The following PCDH15 variants were observed in gnomAD, a reference collection of about 807,000 sequenced individuals.
The protein encoded by PCDH15 is protocadherin related 15.
In PCDH15, 129 loss-of-function variants were observed where a neutral mutation model predicts 178.5. That is an observed-to-expected ratio of 0.72 (90% confidence interval 0.63 to 0.84). The LOEUF (loss-of-function observed/expected upper bound fraction) is 0.84, where lower values mean the gene tolerates loss of function less well. Among genes scored for constraint, PCDH15 ranks in the 40% least tolerant of loss-of-function variants. PCDH15 has a pLI of 0.00. For missense variants in PCDH15, 2,230 were observed against 2,099.9 expected (o/e 1.06, Z -1.21); for synonymous variants, 800 against 732.0 (o/e 1.09, Z -1.50).
In PCDH15 at chr10:54,556,421, T is replaced by C. The variant is rs114748434; in HGVS notation, c.92-28544A>G. Among the ~76,000 whole-genome samples the C allele has an allele frequency of 9.4e-3, 1,437 of 152,288 alleles. 24 individuals carry two copies. Among genetic ancestry groups the C allele is most frequent in the African/African-American group, 0.032 (1,313 of 41,548 alleles). The stretch of plus-strand genomic sequence containing the variant: ...CAACATGCAGACAATTTTTGCTATG[T>C]TGTCAAGATGAGATAATTTTTCAGG... On this transcript the variant is annotated intron_variant, in intron 2 of 37. Transcript: ENST00000644397.
chr10:54,622,252 ATG>A (rs529390169), intron 2 of PCDH15, among the ~76,000 whole-genome samples: 1 of 150,922 alleles, frequency 6.6e-6, no homozygotes, highest in African/African-American at 2.4e-5. Flanking sequence ...GAGGAAATTT[ATG>A]TGTGTGTGTG....
intron 25 of PCDH15, among the ~76,000 whole-genome samples, chr10:53,935,509 C>T (rs547003735): frequency 6.6e-6 from 1 of 152,242 alleles, no homozygotes; most frequent in Non-Finnish European, 1.5e-5. Flanking sequence ...CAAACTACAG[C>T]CCTTTGGTCA....
At chr10:55,520,113 G>A (rs1421635644) in intron 2 of PCDH15, among the ~76,000 whole-genome samples, 2 of 115,020 alleles carry the variant, frequency 1.7e-5, no homozygotes, top group Non-Finnish European at 3.7e-5. Context: ...TACACGCAAT[G>A]TGTATATATA....
chr10:54,947,777 A>T (rs2131870711), intron 2 of PCDH15, among the ~76,000 whole-genome samples: 1 of 152,068 alleles, frequency 6.6e-6, no homozygotes, highest in South Asian at 2.1e-4. Context: ...TCCCAGAATA[A>T]AATCCTGTCT....
At chr10:54,639,394 C>T (rs1255729228) in intron 2 of PCDH15, among the ~76,000 whole-genome samples, 2 of 151,960 alleles carry the variant, frequency 1.3e-5, no homozygotes, top group African/African-American at 2.4e-5. Flanking sequence ...TAAAGTATTT[C>T]TTGGAGCCGA....
intron 2 of PCDH15, among the ~76,000 whole-genome samples, chr10:54,957,829 A>T (rs1358666450): frequency 6.6e-6 from 1 of 151,786 alleles, no homozygotes; most frequent in African/African-American, 2.4e-5. Context: ...CCACTTTAGC[A>T]TAAGAATTAT....
intron 2 of PCDH15, among the ~76,000 whole-genome samples, chr10:54,948,920 C>T (rs1242044044): frequency 6.6e-6 from 1 of 151,858 alleles, no homozygotes. Context: ...ATAATCGACA[C>T]AGTATATGTT....
intron 1 of PCDH15, among the ~76,000 whole-genome samples, chr10:54,797,229 C>A (rs1050057730): frequency 8.6e-5 from 13 of 151,964 alleles, no homozygotes; most frequent in Admixed American, 7.9e-4. Context: ...GAAAGTTACA[C>A]CTCCTATCAA....
rs1841238765 is a variant in PCDH15 at position 55,523,746 on chromosome 10, T to C, written c.-156+103879A>G. The stretch of plus-strand genomic sequence containing the variant: ...CCATATAGAAGGCGAATCATGACAA[T>C]GCTAATCAAGGTAGAAAAGTTGATT... On this transcript the variant is annotated intron_variant, in intron 2 of 5. Transcript: ENST00000613346. 3.3e-5 allele frequency among the ~76,000 whole-genome samples: 5 copies of C among 151,654 alleles called. No homozygotes were observed. The South Asian group carries it at 1.0e-3, about 31-fold the overall frequency.
At chr10:53,896,452 GTAT>G (rs1207467963) in intron 26 of PCDH15, among the ~76,000 whole-genome samples, 1 of 150,106 alleles carries the variant, frequency 6.7e-6, no homozygotes, top group Non-Finnish European at 1.5e-5. Flanking sequence ...GATGTCGTGA[GTAT>G]TTGCTTTTAA....
At chr10:54,530,668 A>C (rs1351509742) in intron 2 of PCDH15, among the ~76,000 whole-genome samples, 1 of 151,992 alleles carries the variant, frequency 6.6e-6, no homozygotes, top group African/African-American at 2.4e-5. Context: ...GCTTAACTAC[A>C]TTTTCTCCTG....
chr10:54,344,978 A>G (rs57790666), intron 6 of PCDH15, among the ~76,000 whole-genome samples: 2 of 136,292 alleles, frequency 1.5e-5, no homozygotes, highest in Non-Finnish European at 3.1e-5. Flanking sequence ...ATATATATAT[A>G]TTATATATAT....
rs2134379580 is a variant in PCDH15, at chr10:54,236,274, T to C, written c.985+549A>G. Among the ~76,000 whole-genome samples, 2 of 152,294 alleles carry C rather than the reference T, an allele frequency of 1.3e-5. 1 individual carries two copies. Among genetic ancestry groups the C allele is most frequent in the Non-Finnish European group, 2.9e-5 (2 of 68,006 alleles). ...TTTTTGCTTTTGACACAATTAGTAG[T>C]ATATGCATAGGGATGGATTAGGATG... On this transcript the variant is annotated intron_variant, in intron 9 of 37. Transcript: ENST00000644397.
At chr10:54,702,691 G>A (rs932399728) in intron 1 of PCDH15, among the ~76,000 whole-genome samples, 2 of 151,896 alleles carry the variant, frequency 1.3e-5, no homozygotes, top group Admixed American at 1.3e-4. Flanking sequence ...GAAATAATGA[G>A]TTCCAAAATT....
intron 18 of PCDH15, among the ~76,000 whole-genome samples, chr10:54,058,229 C>T (rs2093939714): frequency 6.6e-6 from 1 of 152,084 alleles, no homozygotes; most frequent in African/African-American, 2.4e-5. Context: ...CCAGCAGCAC[C>T]ACACTCTACT....
chr10:54,254,378 A>G (rs2056741199), intron 8 of PCDH15, among the ~76,000 whole-genome samples: 1 of 152,146 alleles, frequency 6.6e-6, no homozygotes, highest in Non-Finnish European at 1.5e-5. Context: ...ATATAACCTG[A>G]ATTTTCTGAG....
At chr10:55,234,241 A>G (rs2132202510) in intron 1 of PCDH15, among the ~76,000 whole-genome samples, 1 of 152,242 alleles carries the variant, frequency 6.6e-6, no homozygotes, top group Admixed American at 6.5e-5. Context: ...GTTGAAATCT[A>G]ACTTTTCTTT....
chr10:53,856,690 T>C (rs1308315868), intron 28 of PCDH15, among the ~76,000 whole-genome samples: 1 of 152,100 alleles, frequency 6.6e-6, no homozygotes, highest in Non-Finnish European at 1.5e-5. Context: ...AAATCTCACA[T>C]CTAATTTTTA....
intron 3 of PCDH15, among the ~76,000 whole-genome samples, chr10:54,832,890 T>C (rs1457126832): frequency 1.3e-5 from 2 of 152,096 alleles, no homozygotes; most frequent in African/African-American, 4.8e-5. Flanking sequence ...GAAAGAGAGC[T>C]CAAGAACTTC....
Sources: gnomAD v4.1 joint callset for allele counts (sites outside exome capture counted in the v4.1 genomes callset) on GRCh38, gnomAD v4.1.1 for gene constraint, MANE v1.5 for transcripts, NCBI Gene and HGNC (gene_info 2026-07-23, HGNC 2026-07-21) for gene names.